Variants in RAD54L2 observed in about 807,000 individuals in gnomAD.
The protein encoded by RAD54L2 is RAD54 like 2.
Under a neutral mutation model 138.4 loss-of-function variants are expected in RAD54L2, and 27 were observed. That is an observed-to-expected ratio of 0.20 (90% CI 0.14 to 0.27). The LOEUF (loss-of-function observed/expected upper bound fraction) is 0.27. Among genes scored for constraint, RAD54L2 ranks in the 10% least tolerant of loss-of-function variants. The probability of loss-of-function intolerance (pLI) is 1.00; values close to 1 mark genes in which losing one functional copy is unlikely to be tolerated. For missense variants in RAD54L2, 1,396 were observed against 1,890.2 expected (o/e 0.74, Z 4.85); for synonymous variants, 644 against 723.2 (o/e 0.89, Z 1.76).
intron 3 of RAD54L2, chr3:51,611,349 T>C (rs1440827335): frequency 6.6e-6 from 1 of 152,036 alleles, no homozygotes; most frequent in Non-Finnish European, 1.5e-5. Flanking sequence ...ATACAATGCA[T>C]AATAATCGCA....
rs375672498 is a variant in RAD54L2, at chr3:51,587,682, C to G, written c.-54-2685C>G. Among the ~76,000 whole-genome samples, 16 of 152,108 alleles carry G rather than the reference C, an allele frequency of 1.1e-4. 1 individual carries two copies. The highest frequency in any genetic ancestry group is 3.3e-4 in the Admixed American group (5 of 15,248). On this transcript the variant is annotated intron_variant, in intron 2 of 22. Transcript: ENST00000684192. ...TCTAACTCTGAACAATTCTTAAGTT[C>G]TAGTTTTCCAAAACTCTAAATAATC...
At position 51,607,152 on chromosome 3, in the gene RAD54L2, G is replaced by C. The variant is rs952897926; in HGVS notation, c.139+16593G>C. 6.8e-5 allele frequency among the ~76,000 whole-genome samples: 10 copies of C among 146,962 alleles called. No individual in the cohort carries two copies. The East Asian group carries it at 8.0e-4, about 12-fold the overall frequency. ...ATTGATCATTCTTGGGTGTTTCTCG[G>C]AGAGGGGGATTTGGCAGGGTCATAG... On this transcript the variant is annotated intron_variant, in intron 3 of 22. Transcript: ENST00000684192.
chr3:51,643,907 G>A lies in RAD54L2; in HGVS notation c.2383G>A (p.Glu795Lys). The A allele has an allele frequency of 6.2e-7, 1 of 1,607,898 alleles. No individual in the cohort carries two copies. The highest frequency in any genetic ancestry group is 8.5e-7 in the Non-Finnish European group (1 of 1,177,174). The change falls in exon 16 of 23, where the codon GAG (glutamate) becomes AAG (lysine). Residue 795 changes from glutamate (E) to lysine (K), a missense_variant. By Grantham distance (56) the Glu-to-Lys change is moderately conservative. Transcript: ENST00000684192. Reference sequence around the variant, plus strand: ...TGGTAGCACCCCTGCCTTTGAGAGGGAGCGGCTTATTAATCAGTTCAATGA... The same window carrying A: ...TGGTAGCACCCCTGCCTTTGAGAGGAAGCGGCTTATTAATCAGTTCAATGA... ...LDGSTPAFER[E>K]RLINQFNDPS... is the part of the protein sequence containing the mutation.
At chr3:51,652,414 C>A (rs1429261327) in intron 19 of RAD54L2, among the ~76,000 whole-genome samples, 1 of 152,154 alleles carries the variant, frequency 6.6e-6, no homozygotes, top group Non-Finnish European at 1.5e-5. Flanking sequence ...ACTTTCTTCA[C>A]AGAACTGGAA....
intron 2 of RAD54L2, among the ~76,000 whole-genome samples, chr3:51,550,663 C>G (rs1028730530): frequency 6.6e-6 from 1 of 152,066 alleles, no homozygotes; most frequent in Non-Finnish European, 1.5e-5. Context: ...ATTGCCTGAC[C>G]CTGGGAGGTA....
At chr3:51,591,921 C>T (rs1308979651) in intron 3 of RAD54L2, among the ~76,000 whole-genome samples, 1 of 152,042 alleles carries the variant, frequency 6.6e-6, no homozygotes, top group Non-Finnish European at 1.5e-5. Flanking sequence ...TTTCCCTTTT[C>T]CTTGTAAAAT....
At chr3:51,578,247 G>A (rs963129553) in intron 2 of RAD54L2, among the ~76,000 whole-genome samples, 3 of 151,850 alleles carry the variant, frequency 2.0e-5, no homozygotes, top group African/African-American at 7.3e-5. Flanking sequence ...ACATGTTGAG[G>A]TATACACAGG....
At chr3:51,551,046 TG>T (rs1229940302) in intron 2 of RAD54L2, among the ~76,000 whole-genome samples, 1 of 152,068 alleles carries the variant, frequency 6.6e-6, no homozygotes, top group African/African-American at 2.4e-5. Flanking sequence ...CTAACAAATT[TG>T]TGTACGTGTG....
chr3:51,661,538 A>G (rs916576604), intron 22 of RAD54L2, among the ~76,000 whole-genome samples: 6 of 152,242 alleles, frequency 3.9e-5, no homozygotes, highest in Admixed American at 3.9e-4. Context: ...GTCAAAGGGT[A>G]TATGTGTGGC....
chr3:51,657,389 A>G (rs974776768), intron 20 of RAD54L2, among the ~76,000 whole-genome samples, 191 bp from the exon 21 acceptor site: 5 of 152,214 alleles, frequency 3.3e-5, no homozygotes, highest in Admixed American at 6.5e-5. Flanking sequence ...TCCTGTTTTC[A>G]TAGTATTCTT....
chr3:51,631,507 A>ATTTT (rs1163836924), intron 7 of RAD54L2, among the ~76,000 whole-genome samples: 2 of 133,992 alleles, frequency 1.5e-5, no homozygotes, highest in Non-Finnish European at 3.2e-5. Flanking sequence ...CACCCAGCCA[A>ATTTT]TTTTTTTTTT....
At chr3:51,558,054 C>G (rs1011265284) in intron 2 of RAD54L2, among the ~76,000 whole-genome samples, 1 of 151,958 alleles carries the variant, frequency 6.6e-6, no homozygotes, top group African/African-American at 2.4e-5. Flanking sequence ...CCGTGTTGCC[C>G]AGGCTGGTCT....
intron 3 of RAD54L2, among the ~76,000 whole-genome samples, chr3:51,604,456 A>G (rs1700138086): frequency 1.3e-5 from 2 of 152,190 alleles, no homozygotes. Context: ...GTTCCCACAT[A>G]GCTTTCAGGG....
chr3:51,586,698 A>C (rs1029931801), intron 2 of RAD54L2, among the ~76,000 whole-genome samples: 6 of 151,096 alleles, frequency 4.0e-5, no homozygotes, highest in Admixed American at 3.3e-4. Flanking sequence ...CGTCCCGAGT[A>C]GCTGGGATTA....
rs1700724183 is a variant in RAD54L2, at chr3:51,627,721, C to G, written c.308C>G (p.Ala103Gly). 1 of 1,613,772 alleles carries G rather than the reference C, an allele frequency of 6.2e-7. No individual in the cohort carries two copies. The highest frequency in any genetic ancestry group is 8.5e-7 in the Non-Finnish European group (1 of 1,179,866). Reference protein sequence around the residue: ...LASEDPKKKRAQKPSHMRRNI... With the variant: ...LASEDPKKKRGQKPSHMRRNI... ...TCCGAGGACCCCAAAAAGAAGAGAG[C>G]TCAGAAGCCCTCCCACATGAGAAGA... The change falls in exon 4 of 23, where the codon GCT (alanine) becomes GGT (glycine). Residue 103 changes from alanine (A) to glycine (G), a missense_variant. Physicochemically the swap from Ala to Gly is moderately conservative, Grantham distance 60. Coordinates refer to ENST00000684192, the MANE Select transcript of RAD54L2 (RefSeq NM_015106.4).
chr3:51,660,734 G>A (rs1402700376), intron 22 of RAD54L2, among the ~76,000 whole-genome samples: 2 of 151,606 alleles, frequency 1.3e-5, no homozygotes, highest in South Asian at 2.1e-4. Flanking sequence ...TGATTCTCCC[G>A]CCTCAGCCTC....
rs1484766446 is a variant in RAD54L2 at position 51,665,061 on chromosome 3, G to A, written c.*1641G>A. On this transcript the variant is annotated 3_prime_UTR_variant, in exon 23 of 23. Transcript: ENST00000684192. The stretch of plus-strand genomic sequence containing the variant: ...CCTAAGTCTGGGTTTTATCTTAAAA[G>A]AACACACCAGTCATTCTGGGTCTCC... 6.6e-6 allele frequency: 1 copy of A among 152,132 alleles called. No homozygotes were observed. The highest frequency in any genetic ancestry group is 6.5e-5 in the Admixed American group (1 of 15,274). 9.4% of individuals were successfully genotyped at this position (152,132 alleles called of 1,614,324 possible).
chr3:51,651,447 T>G (rs1367921663), intron 19 of RAD54L2, among the ~76,000 whole-genome samples: 2 of 152,162 alleles, frequency 1.3e-5, no homozygotes, highest in Non-Finnish European at 2.9e-5. Context: ...GAGGCCAGCA[T>G]CATCCTGATA....
Position 51,613,759 on chromosome 3 carries a change from T to C in RAD54L2, c.140-13794T>C, listed in dbSNP as rs576910709. Among the ~76,000 whole-genome samples, 248 of 147,000 alleles carry C rather than the reference T, an allele frequency of 1.7e-3. 1 individual carries two copies. The highest frequency in any genetic ancestry group is 2.8e-3 in the Non-Finnish European group (188 of 67,050). On this transcript the variant is annotated intron_variant, in intron 3 of 22. Coordinates refer to ENST00000684192, the MANE Select transcript of RAD54L2 (RefSeq NM_015106.4). Reference sequence around the variant, plus strand: ...CAGCCTGGGCGATAGAGTGAGACTCTGTCTCCAAAAAAAAAAAAAAAAAAA... The same window carrying C: ...CAGCCTGGGCGATAGAGTGAGACTCCGTCTCCAAAAAAAAAAAAAAAAAAA...
Sources: gnomAD v4.1 joint callset for allele counts (sites outside exome capture counted in the v4.1 genomes callset) on GRCh38, gnomAD v4.1.1 for gene constraint, MANE v1.5 for transcripts, NCBI Gene and HGNC (gene_info 2026-07-23, HGNC 2026-07-21) for gene names.